Variants in INO80 observed in about 807,000 individuals in gnomAD.
INO80 encodes the protein chromatin-remodeling ATPase INO80.
In INO80, 20 loss-of-function variants were observed where a neutral mutation model predicts 203.4. The ratio of observed to expected loss-of-function variants is 0.10; its 90% CI spans 0.07 to 0.14. The LOEUF is 0.14. Among genes scored for constraint, INO80 ranks in the 10% least tolerant of loss-of-function variants. The pLI is 1.00. For missense variants in INO80, 1,419 were observed against 1,914.4 expected, an observed-to-expected ratio of 0.74 and a Z score of 4.83; for synonymous variants, 726 against 685.2, an observed-to-expected ratio of 1.06 and a Z score of -0.93.
At chr15:41,110,810 AT>A (rs996314147) in intron 1 of INO80, among the ~76,000 whole-genome samples, 1 of 152,218 alleles carries the variant, frequency 6.6e-6, no homozygotes, top group Non-Finnish European at 1.5e-5. Flanking sequence ...ATTGAACTTC[AT>A]TAGTAATGTT....
intron 31 of INO80, among the ~76,000 whole-genome samples, chr15:40,986,315 GCTTT>G: frequency 7.7e-6 from 1 of 130,452 alleles, no homozygotes; most frequent in East Asian, 2.3e-4. Flanking sequence ...ACTCCACAAT[GCTTT>G]TTTTTTTTTT....
In INO80 at chr15:41,092,081, A is replaced by G. The variant is rs777273911; in HGVS notation, c.483T>C (p.Leu161=). 15 of 1,612,388 alleles carry G rather than the reference A, an allele frequency of 9.3e-6. No individual in the cohort carries two copies. Among genetic ancestry groups the G allele is most frequent in the Non-Finnish European group, 1.3e-5 (15 of 1,178,600 alleles). Residue 161 remains leucine, a synonymous_variant, in exon 5 of 36, where the codon CTT becomes CTC. Coordinates refer to ENST00000648947, the MANE Select transcript of INO80 (RefSeq NM_017553.3). The part of the protein sequence containing the change: ...NLSREELHNM[L]RLHKYKKLHQ... ...GAAGTTTCTTATATTTGTGTAGTCG[A>G]AGCATGTTGTGAAGTTCTTCTCTGC...
intron 30 of INO80, 28 bp downstream of exon 30, chr15:40,987,788 T>G: frequency 6.2e-7 from 1 of 1,602,412 alleles, no homozygotes. Flanking sequence ...GCTCCACCAG[T>G]GTAGGAATTT....
At chr15:41,005,417 C>T (rs1316440394) in intron 28 of INO80, 176 bp downstream of exon 28, 3 of 544,096 alleles carry the variant, frequency 5.5e-6, no homozygotes, top group African/African-American at 1.9e-5. Flanking sequence ...CTCTCCCAGA[C>T]ACATAGATCT....
chr15:40,985,541 C>T, intron 31 of INO80, 115 bp from the exon 32 acceptor site: 1 of 779,502 alleles, frequency 1.3e-6, no homozygotes, highest in Non-Finnish European at 2.2e-6. Flanking sequence ...TCACTTCTAT[C>T]TGTTTAAGGC....
chr15:41,048,307 AC>A, intron 21 of INO80, 31 bp from the exon 22 acceptor site: 1 of 1,538,186 alleles, frequency 6.5e-7, no homozygotes, highest in Non-Finnish European at 9.0e-7. Flanking sequence ...ATAAAGCCAA[AC>A]CCAAACATAA....
intron 27 of INO80, among the ~76,000 whole-genome samples, chr15:41,012,668 T>C (rs1248841041): frequency 2.6e-5 from 4 of 151,970 alleles, no homozygotes; most frequent in Admixed American, 1.3e-4. Flanking sequence ...CCTTGGCTTC[T>C]GCCCGTGGCA....
chr15:41,035,293 T>C (rs1356875719), intron 24 of INO80, among the ~76,000 whole-genome samples: 2 of 152,172 alleles, frequency 1.3e-5, no homozygotes, highest in Admixed American at 6.5e-5. Context: ...CACAAATTCC[T>C]TGGCCAGGTG....
intron 27 of INO80, among the ~76,000 whole-genome samples, chr15:41,010,022 G>A (rs1397287106): frequency 6.6e-6 from 1 of 152,158 alleles, no homozygotes; most frequent in African/African-American, 2.4e-5. Flanking sequence ...GGCCATCTCC[G>A]CTTAATATCT....
In INO80 at chr15:41,080,110, C is replaced by A. The variant is rs536828639; in HGVS notation, c.928-206G>T. The stretch of plus-strand genomic sequence containing the variant: ...GTATTATCAGGGATAAGAAATCTAT[C>A]CAATTTCTATCACCTTAGAAGATGA... On this transcript the variant is annotated intron_variant, in intron 8 of 35. Transcript: ENST00000648947. Among the ~76,000 whole-genome samples the A allele has an allele frequency of 2.0e-5, 3 of 152,184 alleles. No individual in the cohort carries two copies. In the South Asian group the frequency reaches 6.2e-4, roughly 32 times the overall value.
chr15:41,067,132 A>T (rs1566936006), intron 14 of INO80, among the ~76,000 whole-genome samples: 1 of 152,126 alleles, frequency 6.6e-6, no homozygotes, highest in Non-Finnish European at 1.5e-5. Context: ...GCTGGAGTGC[A>T]GTGGCATGAT....
chr15:41,083,712 CAAAA>C (rs10706037), intron 7 of INO80, among the ~76,000 whole-genome samples: 1 of 85,620 alleles, frequency 1.2e-5, no homozygotes. Flanking sequence ...GACTCCGTCT[CAAAA>C]AAAAAAAAAA....
chr15:41,013,733 CAG>C (rs992042750), intron 27 of INO80, among the ~76,000 whole-genome samples: 6 of 152,056 alleles, frequency 3.9e-5, no homozygotes, highest in African/African-American at 1.4e-4. Context: ...TTAAGGAAAC[CAG>C]AGAAGAATTT....
intron 6 of INO80, among the ~76,000 whole-genome samples, chr15:41,086,808 C>T (rs2045571249): frequency 6.6e-6 from 1 of 152,136 alleles, no homozygotes. Context: ...CAAACAAACA[C>T]TACAGAAGAT....
chr15:41,030,866 T>C (rs987096407), intron 24 of INO80, among the ~76,000 whole-genome samples: 11 of 151,646 alleles, frequency 7.3e-5, no homozygotes, highest in African/African-American at 2.7e-4. Flanking sequence ...GAGATGGGGT[T>C]TCACCATATT....
At position 41,096,150 on chromosome 15, in the gene INO80, A is replaced by G; in HGVS notation, c.143+18T>C. 1 of 1,584,940 alleles carries G rather than the reference A, an allele frequency of 6.3e-7. No individual in the cohort carries two copies. The highest frequency in any genetic ancestry group is 8.5e-7 in the Non-Finnish European group (1 of 1,170,282). ...TCAGGAATTTGGTAAAACATATTGC[A>G]AAGATACAATAACATACCTAGAAAT... On this transcript the variant is annotated intron_variant, in intron 2 of 35. Coordinates refer to ENST00000648947, the MANE Select transcript of INO80 (RefSeq NM_017553.3).
intron 14 of INO80, among the ~76,000 whole-genome samples, chr15:41,060,215 ATACTT>A (rs2140559018): frequency 6.6e-6 from 1 of 152,340 alleles, no homozygotes; most frequent in East Asian, 1.9e-4. Context: ...AGTATGTGGT[ATACTT>A]TATCACTGAT....
intron 18 of INO80, among the ~76,000 whole-genome samples, chr15:41,054,867 ACCTAACGTGAT>A (rs1476719794): frequency 6.6e-6 from 1 of 152,096 alleles, no homozygotes; most frequent in Admixed American, 6.6e-5. Flanking sequence ...TGAACTCCTG[ACCTAACGTGAT>A]CCGCCCACCT....
At chr15:41,068,879 G>A (rs538831332) in intron 14 of INO80, among the ~76,000 whole-genome samples, 5 of 151,464 alleles carry the variant, frequency 3.3e-5, no homozygotes, top group East Asian at 1.9e-4. Context: ...ACAAAAACAA[G>A]ACATGTATTA....
Sources: gnomAD v4.1 joint callset for allele counts (sites outside exome capture counted in the v4.1 genomes callset) on GRCh38, gnomAD v4.1.1 for gene constraint, MANE v1.5 for transcripts, NCBI Gene and HGNC (gene_info 2026-07-23, HGNC 2026-07-21) for gene names.